Variants in LRRIQ3 observed in about 807,000 individuals in gnomAD.
LRRIQ3 encodes the protein leucine-rich repeat and IQ domain-containing protein 3.
A neutral mutation model predicts 59.3 loss-of-function variants in LRRIQ3; 75 were observed. The ratio of observed to expected loss-of-function variants is 1.26; its 90% CI spans 1.05 to 1.53. LRRIQ3 has a LOEUF of 1.53. Among genes scored for constraint, LRRIQ3 ranks in the 40% most tolerant of loss-of-function variants. The pLI, the probability that LRRIQ3 is intolerant of heterozygous loss-of-function variation, is 0.00. For missense variants in LRRIQ3, 831 were observed against 710.0 expected (o/e 1.17, Z -1.94); for synonymous variants, 250 against 231.3 (o/e 1.08, Z -0.73).
Position 74,183,575 on chromosome 1 carries a change from C to T in LRRIQ3, c.110G>A (p.Gly37Asp). 1 of 1,611,860 alleles carries T rather than the reference C, an allele frequency of 6.2e-7. No individual in the cohort carries two copies. Among genetic ancestry groups the T allele is most frequent in the Non-Finnish European group, 8.5e-7 (1 of 1,178,686 alleles). The change falls in exon 2 of 8, where the codon GGC becomes GAC. Residue 37 changes from glycine (G) to aspartate (D), a missense_variant. Physicochemically the swap from Gly to Asp is moderately conservative, Grantham distance 94 (BLOSUM62 -1). Transcript: ENST00000354431. ...ATTTTCCATAGACTTTAAATGAAGG[C>T]CATTGAACTTCACAAAAACAAAATC... ...QKDFVFVKFN[G>D]LHLKSMENLQ...
intron 3 of LRRIQ3, among the ~76,000 whole-genome samples, chr1:74,177,903 C>G (rs568296870): frequency 3.2e-4 from 48 of 152,038 alleles, no homozygotes; most frequent in African/African-American, 1.1e-3. Flanking sequence ...TGTTTTCCTT[C>G]CACTATAATA....
intron 5 of LRRIQ3, among the ~76,000 whole-genome samples, chr1:74,104,307 G>A (rs12746942): frequency 0.31 from 46,594 of 151,750 alleles, 7,959 homozygotes; most frequent in Middle Eastern, 0.45. Context: ...TGACATTCTC[G>A]TCATACAATC....
intron 7 of LRRIQ3, among the ~76,000 whole-genome samples, chr1:74,039,683 A>G (rs563623533): frequency 3.9e-4 from 60 of 152,344 alleles, no homozygotes; most frequent in African/African-American, 1.3e-3. Context: ...ATTCAGCCAA[A>G]CTAAGCTTCA....
At chr1:74,175,919 C>T (rs1224940321) in intron 3 of LRRIQ3, among the ~76,000 whole-genome samples, 1 of 152,128 alleles carries the variant, frequency 6.6e-6, no homozygotes, top group African/African-American at 2.4e-5. Flanking sequence ...CTTTACACTC[C>T]TGTTTATAAT....
intron 4 of LRRIQ3, among the ~76,000 whole-genome samples, chr1:74,115,151 T>C (rs1349991147): frequency 6.6e-6 from 1 of 152,110 alleles, no homozygotes; most frequent in Non-Finnish European, 1.5e-5. Flanking sequence ...AGAAGAAGTA[T>C]TTATTCACTC....
At chr1:74,054,841 G>T (rs891016205) in intron 6 of LRRIQ3, among the ~76,000 whole-genome samples, 159 of 145,792 alleles carry the variant, frequency 1.1e-3, no homozygotes, top group African/African-American at 3.8e-3. Context: ...TAATGCATGT[G>T]TATATATGTA....
intron 5 of LRRIQ3, among the ~76,000 whole-genome samples, chr1:74,090,688 G>C (rs903779409): frequency 1.3e-5 from 2 of 151,914 alleles, no homozygotes; most frequent in Non-Finnish European, 2.9e-5. Context: ...AGGATTTCAA[G>C]ACCAGCCTGG....
At chr1:74,037,648 A>AAAAC (rs764650750) in intron 7 of LRRIQ3, among the ~76,000 whole-genome samples, 1 of 152,114 alleles carries the variant, frequency 6.6e-6, no homozygotes, top group African/African-American at 2.4e-5. Flanking sequence ...AACAAAACAA[A>AAAAC]AAACAAACAA....
intron 6 of LRRIQ3, among the ~76,000 whole-genome samples, chr1:74,061,900 G>T (rs1167974481): frequency 6.6e-6 from 1 of 152,068 alleles, no homozygotes; most frequent in Non-Finnish European, 1.5e-5. Flanking sequence ...CAAGCTTGCT[G>T]GCACATGCCT....
At chr1:74,157,778 A>G (rs1339114864) in intron 3 of LRRIQ3, among the ~76,000 whole-genome samples, 1 of 151,990 alleles carries the variant, frequency 6.6e-6, no homozygotes, top group Admixed American at 6.6e-5. Flanking sequence ...AATTTTCTCC[A>G]TGTTGCTTTT....
chr1:74,128,537 G>A (rs1570165621), intron 4 of LRRIQ3, among the ~76,000 whole-genome samples: 1 of 152,032 alleles, frequency 6.6e-6, no homozygotes. Context: ...CCTCAAGAAG[G>A]CTATTTTAAA....
At chr1:74,036,502 T>G (rs977481437) in intron 7 of LRRIQ3, among the ~76,000 whole-genome samples, 2 of 152,214 alleles carry the variant, frequency 1.3e-5, no homozygotes, top group Non-Finnish European at 2.9e-5. Flanking sequence ...CATAACATTT[T>G]GATGAAATAA....
chr1:74,085,500 G>A (rs17094853), intron 5 of LRRIQ3, among the ~76,000 whole-genome samples: 1,727 of 151,832 alleles, frequency 0.011, 48 homozygotes, highest in East Asian at 0.054. Context: ...AATACTAAAA[G>A]TGATCTTTAC....
chr1:74,084,230 C>T (rs1308156281), intron 5 of LRRIQ3: 13 of 1,542,636 alleles, frequency 8.4e-6, no homozygotes, highest in Non-Finnish European at 1.1e-5. Flanking sequence ...AAGAAAAATA[C>T]AGTAATAAAG....
At chr1:74,136,548 T>TTA (rs774450153) in intron 4 of LRRIQ3, among the ~76,000 whole-genome samples, 50 of 151,964 alleles carry the variant, frequency 3.3e-4, no homozygotes, top group Non-Finnish European at 6.3e-4. Context: ...ATAGATCTAA[T>TTA]TATATATATA....
intron 4 of LRRIQ3, among the ~76,000 whole-genome samples, chr1:74,114,338 A>G (rs1012137575): frequency 3.3e-5 from 5 of 152,150 alleles, no homozygotes; most frequent in East Asian, 3.9e-4. Context: ...TTAATAGTAC[A>G]AAAAGTGGGG....
At chr1:74,127,758 C>A (rs1311052709) in intron 4 of LRRIQ3, among the ~76,000 whole-genome samples, 1 of 151,796 alleles carries the variant, frequency 6.6e-6, no homozygotes. Flanking sequence ...AGTTTAGACA[C>A]CACAATTACA....
intron 5 of LRRIQ3, among the ~76,000 whole-genome samples, chr1:74,081,449 A>G (rs1646272452): frequency 6.6e-6 from 1 of 151,634 alleles, no homozygotes; most frequent in African/African-American, 2.4e-5. Context: ...TAGCTACACT[A>G]CAGTGGGCAC....
intron 3 of LRRIQ3, among the ~76,000 whole-genome samples, chr1:74,169,971 G>A (rs1292766086): frequency 6.6e-6 from 1 of 151,618 alleles, no homozygotes; most frequent in East Asian, 1.9e-4. Context: ...GTATTCTTTG[G>A]AGAAATGTCT....
Sources: allele counts gnomAD v4.1 joint callset (sites outside exome capture counted in the v4.1 genomes callset), GRCh38; gene constraint gnomAD v4.1.1; transcripts MANE v1.5; gene names NCBI Gene and HGNC (gene_info 2026-07-23, HGNC 2026-07-21).